LRIG1: variants seen among roughly 807,000 people sequenced by gnomAD.
LRIG1 encodes leucine rich repeats and immunoglobulin like domains 1.
A neutral mutation model predicts 99.2 loss-of-function variants in LRIG1; 48 were observed. The observed-to-expected ratio is 0.48, with a 90% CI of 0.38 to 0.62. The LOEUF (loss-of-function observed/expected upper bound fraction) is 0.62. LRIG1 is among the 20% of genes least tolerant of loss of function. The pLI is 0.00. For synonymous variants in LRIG1, 772 were observed against 596.1 expected (o/e 1.29, Z -4.30); for missense variants, 1,646 against 1,434.4 (o/e 1.15, Z -2.38).
At chr3:66,418,820 A>G (rs1702705777) in intron 3 of LRIG1, among the ~76,000 whole-genome samples, 2 of 152,008 alleles carry the variant, frequency 1.3e-5, no homozygotes, top group Admixed American at 1.3e-4. Context: ...TGTTTTTTTC[A>G]TGCGTCTCCC....
Position 66,494,757 on chromosome 3 carries a change from G to A in LRIG1, c.218+5433C>T, listed in dbSNP as rs959757943. On this transcript the variant is annotated intron_variant, in intron 1 of 18. Transcript: ENST00000273261. ...CTACAAAAAAGAGACACAAATTGCC[G>A]ACTTTCAACTAGAAATTAGACCATC... Among the ~76,000 whole-genome samples, 3 of 152,154 alleles carry A rather than the reference G, an allele frequency of 2.0e-5. No homozygotes were observed. In the East Asian group the frequency reaches 5.8e-4, roughly 29 times the overall value.
intron 9 of LRIG1, among the ~76,000 whole-genome samples, chr3:66,403,512 CATT>C (rs1702140818): frequency 6.6e-6 from 1 of 152,092 alleles, no homozygotes; most frequent in Admixed American, 6.5e-5. Context: ...CTACAAACAA[CATT>C]ATGTGAGTGA....
chr3:66,400,175 G>A (rs981009720), intron 9 of LRIG1, among the ~76,000 whole-genome samples: 2 of 152,232 alleles, frequency 1.3e-5, no homozygotes, highest in Non-Finnish European at 2.9e-5. Context: ...AGAAACCAAA[G>A]TCTGCGCCCC....
intron 15 of LRIG1, 110 bp downstream of exon 15, chr3:66,382,872 G>C: frequency 2.0e-6 from 2 of 984,616 alleles, no homozygotes; most frequent in Non-Finnish European, 2.9e-6. Context: ...ACCCTCAGGA[G>C]TTCTGAACAC....
rs535670739 is a variant in LRIG1, at chr3:66,398,245, G to T, written c.1233-62C>A. On this transcript the variant is annotated intron_variant, in intron 10 of 18. Transcript: ENST00000273261. ...CTAGGTACACCTGAGGGGTTTTCAG[G>T]ACAGTCCTGGTTTCACAGATGACCC... 6.8e-5 allele frequency: 90 copies of T among 1,317,740 alleles called. No individual in the cohort carries two copies. In the African/African-American group the frequency reaches 1.2e-3, roughly 17 times the overall value. 81.6% of individuals were successfully genotyped at this position (1,317,740 alleles called of 1,614,324 possible).
chr3:66,458,659 G>A (rs987760330), intron 2 of LRIG1, among the ~76,000 whole-genome samples: 2 of 151,986 alleles, frequency 1.3e-5, no homozygotes, highest in African/African-American at 4.8e-5. Flanking sequence ...CTGAGGTCAC[G>A]CCACTGCACT....
intron 3 of LRIG1, among the ~76,000 whole-genome samples, chr3:66,443,257 T>C (rs1414736241): frequency 2.1e-5 from 3 of 140,656 alleles, no homozygotes; most frequent in African/African-American, 7.8e-5. Context: ...TGGCTCTTCA[T>C]AAAAGCCCGC....
In LRIG1 at chr3:66,428,309, T is replaced by C. The variant is rs543883518; in HGVS notation, c.366-11043A>G. ...AGTGCCCTGTTTCATGCTGCTTCAT[T>C]TGACCACATTCTCAGATGCCACTGC... is the stretch of plus-strand genomic sequence containing the variant. On this transcript the variant is annotated intron_variant, in intron 3 of 18. Coordinates refer to ENST00000273261, the MANE Select transcript of LRIG1 (RefSeq NM_015541.3). 5.3e-5 allele frequency among the ~76,000 whole-genome samples: 8 copies of C among 152,282 alleles called. No homozygotes were observed. In the South Asian group the frequency reaches 1.7e-3, roughly 32 times the overall value.
rs534704938 is a variant in LRIG1 at position 66,444,673 on chromosome 3, T to C, written c.365+6886A>G. 2.6e-5 allele frequency among the ~76,000 whole-genome samples: 4 copies of C among 152,250 alleles called. No individual in the cohort carries two copies. The East Asian group carries it at 7.7e-4, about 29-fold the overall frequency. On this transcript the variant is annotated intron_variant, in intron 3 of 18. Coordinates refer to ENST00000273261, the MANE Select transcript of LRIG1 (RefSeq NM_015541.3). ...CGTTGAACCAAGCCAGAAACGAGGG[T>C]AAGACCCAGTGACTTGTGTCTCAGC...
intron 3 of LRIG1, among the ~76,000 whole-genome samples, chr3:66,449,751 G>A (rs1205879790): frequency 6.6e-6 from 1 of 152,146 alleles, no homozygotes; most frequent in Non-Finnish European, 1.5e-5. Context: ...AAGACCTCCA[G>A]GGAGGCTCAG....
At chr3:66,406,252 G>A (rs911901409) in intron 8 of LRIG1, 1 of 985,424 alleles carries the variant, frequency 1.0e-6, no homozygotes, top group South Asian at 4.7e-5. Flanking sequence ...CCTCTCAATG[G>A]GTTCCTTCCT....
chr3:66,414,396 A>T (rs1220069470), intron 5 of LRIG1, among the ~76,000 whole-genome samples: 1 of 151,502 alleles, frequency 6.6e-6, no homozygotes, highest in Non-Finnish European at 1.5e-5. Flanking sequence ...ACTGTCGCAA[A>T]AAAAAATAAT....
intron 3 of LRIG1, among the ~76,000 whole-genome samples, chr3:66,440,124 T>G (rs1013608882): frequency 2.6e-5 from 4 of 152,128 alleles, no homozygotes; most frequent in Non-Finnish European, 5.9e-5. Flanking sequence ...TCAGTTGCAA[T>G]TATCCAGCTG....
At position 66,386,076 on chromosome 3, in the gene LRIG1, C is replaced by A. The variant is rs759019949; in HGVS notation, c.1694G>T (p.Arg565Leu). 6.2e-7 allele frequency: 1 copy of A among 1,614,068 alleles called. No individual in the cohort carries two copies. Among genetic ancestry groups the A allele is most frequent in the Non-Finnish European group, 8.5e-7 (1 of 1,180,038 alleles). ...GCCCTCGTGCCCGAAAGTGACCTGACGGAGGTGCAGGATGGTGGTGTACTC... is the reference window on the plus strand; with the variant it reads ...GCCCTCGTGCCCGAAAGTGACCTGAAGGAGGTGCAGGATGGTGGTGTACTC... ...VMEYTTILHL[R>L]QVTFGHEGRY... is the part of the protein sequence containing the mutation. The change falls in exon 13 of 19, where the codon CGT becomes CTT. Residue 565 changes from arginine (R) to leucine (L), a missense_variant. Arg to Leu is a moderately radical substitution (Grantham distance 102). Transcript: ENST00000273261.
rs756570225 is a variant in LRIG1 at position 66,407,288 on chromosome 3, T to G, written c.1079+60A>C. 5 of 1,560,316 alleles carry G rather than the reference T, an allele frequency of 3.2e-6. No individual in the cohort carries two copies. In the East Asian group the frequency reaches 1.1e-4, roughly 35 times the overall value. On this transcript the variant is annotated intron_variant, in intron 8 of 18. Coordinates refer to ENST00000273261, the MANE Select transcript of LRIG1 (RefSeq NM_015541.3). ...ATGGAGTTCAACAAAGCAGATGGTT[T>G]GCTCTATTCTGCTCTCCCCACTGGG...
At chr3:66,414,325 G>GAA (rs1702556364) in intron 5 of LRIG1, among the ~76,000 whole-genome samples, 2 of 151,878 alleles carry the variant, frequency 1.3e-5, no homozygotes, top group African/African-American at 2.4e-5. Flanking sequence ...TGAACCCCGG[G>GAA]GGCGGAGCTT....
At chr3:66,406,516 T>C (rs1702274666) in intron 8 of LRIG1, 7 of 625,386 alleles carry the variant, frequency 1.1e-5, no homozygotes, top group Non-Finnish European at 1.4e-5. Context: ...CAGGTGCAAG[T>C]GCAAAGGCCT....
At chr3:66,417,360 A>C in intron 3 of LRIG1, 94 bp from the exon 4 acceptor site, 8 of 1,261,100 alleles carry the variant, frequency 6.3e-6, no homozygotes, top group Non-Finnish European at 9.0e-6. Flanking sequence ...CACCAATATA[A>C]CTACAATGCA....
Position 66,384,037 on chromosome 3 carries a change from C to T in LRIG1, c.2025G>A (p.Gln675=), listed in dbSNP as rs1040231693. 3.7e-6 allele frequency: 6 copies of T among 1,613,926 alleles called. No homozygotes were observed. In the African/African-American group the frequency reaches 6.7e-5, roughly 18 times the overall value. Residue 675 remains glutamine (Q), a synonymous_variant, in exon 14 of 19, where the codon CAG becomes CAA. Coordinates refer to ENST00000273261, the MANE Select transcript of LRIG1 (RefSeq NM_015541.3). ...TAGCTGAAATAGAACCGGCTGAGTT[C>T]TGAGCAGTACAGCTGTAAACCCCTG... ...DDAGVYSCTA[Q]NSAGSISANA...
Sources: gnomAD v4.1 joint callset for allele counts (sites outside exome capture counted in the v4.1 genomes callset) on GRCh38, gnomAD v4.1.1 for gene constraint, MANE v1.5 for transcripts, NCBI Gene and HGNC (gene_info 2026-07-23, HGNC 2026-07-21) for gene names.